Variants in TNFSF13B observed in about 807,000 individuals in gnomAD.
TNFSF13B encodes the protein tumor necrosis factor ligand superfamily member 13B.
Under a neutral mutation model 29.1 loss-of-function variants are expected in TNFSF13B, and 8 were observed. That is an observed-to-expected ratio of 0.27 (90% CI 0.16 to 0.50). The LOEUF (loss-of-function observed/expected upper bound fraction) is 0.50, where lower values mean the gene tolerates loss of function less well. Ranked by LOEUF, TNFSF13B falls within the 20% of genes least tolerant of loss-of-function variation. The pLI is 0.98. For missense variants in TNFSF13B, 248 were observed against 334.9 expected, an observed-to-expected ratio of 0.74 and a Z score of 2.03; for synonymous variants, 125 against 130.8, an observed-to-expected ratio of 0.96 and a Z score of 0.30.
chr13:108,271,882 C>A (rs1006957589), intron 2 of TNFSF13B, among the ~76,000 whole-genome samples: 5 of 151,956 alleles, frequency 3.3e-5, no homozygotes, highest in Non-Finnish European at 4.4e-5. Context: ...ATACAACATG[C>A]AAAAGTTTTG....
chr13:108,305,023 A>G (rs1881729598), intron 5 of TNFSF13B, among the ~76,000 whole-genome samples: 1 of 152,150 alleles, frequency 6.6e-6, no homozygotes, highest in Admixed American at 6.6e-5. Context: ...ACGTTTTTCT[A>G]ATCATCTGCT....
chr13:108,272,607 T>TC (rs1880650499), intron 2 of TNFSF13B, among the ~76,000 whole-genome samples: 1 of 152,092 alleles, frequency 6.6e-6, no homozygotes, highest in African/African-American at 2.4e-5. Context: ...ATTAAATAGT[T>TC]CTTTTTAACT....
intron 2 of TNFSF13B, among the ~76,000 whole-genome samples, chr13:108,285,399 C>T (rs776339369): frequency 2.0e-5 from 3 of 152,176 alleles, no homozygotes; most frequent in Non-Finnish European, 2.9e-5. Context: ...ATTGTGCAAA[C>T]ATCAGAGCAT....
intron 2 of TNFSF13B, among the ~76,000 whole-genome samples, chr13:108,276,620 A>T (rs557762265): frequency 5.9e-5 from 9 of 152,318 alleles, no homozygotes; most frequent in African/African-American, 2.2e-4. Flanking sequence ...TGAAAAAGTG[A>T]AAAGGTTAGG....
chr13:108,275,329 T>TATCA (rs1311246258), intron 2 of TNFSF13B, among the ~76,000 whole-genome samples: 1 of 152,148 alleles, frequency 6.6e-6, no homozygotes, highest in African/African-American at 2.4e-5. Flanking sequence ...CTTTAGAGTC[T>TATCA]ATCAAGAAAG....
chr13:108,278,024 C>T (rs775671780), intron 2 of TNFSF13B, among the ~76,000 whole-genome samples: 1 of 152,192 alleles, frequency 6.6e-6, no homozygotes, highest in Admixed American at 6.5e-5. Flanking sequence ...CTGCCTCTGA[C>T]ATCATTATAC....
At chr13:108,302,641 T>A (rs912945995) in intron 3 of TNFSF13B, 2 of 177,064 alleles carry the variant, frequency 1.1e-5, no homozygotes, top group Non-Finnish European at 2.2e-5. Context: ...TGACTTTTGA[T>A]GGGTAATGGA....
chr13:108,277,967 A>C (rs772342468), intron 2 of TNFSF13B, among the ~76,000 whole-genome samples: 1 of 152,108 alleles, frequency 6.6e-6, no homozygotes, highest in Non-Finnish European at 1.5e-5. Context: ...AGTAGGTCTC[A>C]GTTATTTTAC....
At chr13:108,299,967 T>C (rs904927733) in intron 3 of TNFSF13B, among the ~76,000 whole-genome samples, 1 of 152,162 alleles carries the variant, frequency 6.6e-6, no homozygotes, top group African/African-American at 2.4e-5. Flanking sequence ...CCAGTGACAT[T>C]TACTAAGAAG....
In TNFSF13B at chr13:108,307,992, G is replaced by T. The variant is rs1415923595; in HGVS notation, c.*1054G>T. ...AAATATGTTGATATCTCAGAAGACA[G>T]CATCCCGGTTTTCATTTTATAAAGT... is the stretch of plus-strand genomic sequence containing the variant. On this transcript the variant is annotated 3_prime_UTR_variant, in exon 6 of 6. Transcript: ENST00000375887. The T allele has an allele frequency of 6.6e-6, 1 of 152,024 alleles. No homozygotes were observed. Among genetic ancestry groups the T allele is most frequent in the Non-Finnish European group, 1.5e-5 (1 of 67,954 alleles). The allele number at this position is 152,024 out of a possible 1,614,324, so 9.4% of individuals were successfully genotyped here.
At chr13:108,303,649 C>G (rs1881691277) in intron 5 of TNFSF13B, 45 bp downstream of exon 5, 2 of 1,557,706 alleles carry the variant, frequency 1.3e-6, no homozygotes, top group Non-Finnish European at 1.7e-6. Flanking sequence ...AATGAAGAGA[C>G]TTTGACGAAA....
chr13:108,288,834 T>C (rs1362830103), intron 3 of TNFSF13B, among the ~76,000 whole-genome samples: 3 of 151,900 alleles, frequency 2.0e-5, no homozygotes, highest in Admixed American at 1.3e-4. Flanking sequence ...AGTTCAGGAG[T>C]ATCTGGAGGT....
At chr13:108,289,407 G>A (rs1881240283) in intron 3 of TNFSF13B, among the ~76,000 whole-genome samples, 3 of 151,820 alleles carry the variant, frequency 2.0e-5, no homozygotes, top group African/African-American at 7.3e-5. Context: ...GTGTGCATGG[G>A]CATTTAGCAG....
chr13:108,290,252 T>A (rs1315748880), intron 3 of TNFSF13B, among the ~76,000 whole-genome samples: 1 of 152,188 alleles, frequency 6.6e-6, no homozygotes, highest in East Asian at 1.9e-4. Flanking sequence ...CAGCATAGTA[T>A]TCCATTGTAT....
At chr13:108,275,311 A>G (rs1196839766) in intron 2 of TNFSF13B, among the ~76,000 whole-genome samples, 1 of 152,132 alleles carries the variant, frequency 6.6e-6, no homozygotes, top group African/African-American at 2.4e-5. Flanking sequence ...GAACCTAAAG[A>G]TGAATGTCTT....
At chr13:108,296,647 G>A (rs1336506501) in intron 3 of TNFSF13B, among the ~76,000 whole-genome samples, 1 of 145,668 alleles carries the variant, frequency 6.9e-6, no homozygotes, top group Non-Finnish European at 1.5e-5. Context: ...AATTACTTAT[G>A]TTGCTGTTTG....
intron 2 of TNFSF13B, among the ~76,000 whole-genome samples, 159 bp from the exon 3 acceptor site, chr13:108,286,643 AT>A (rs1881145244): frequency 6.6e-6 from 1 of 152,080 alleles, no homozygotes; most frequent in African/African-American, 2.4e-5. Context: ...ATATAAATCA[AT>A]GGGCAAATAT....
chr13:108,271,143 C>A (rs1192246467), intron 2 of TNFSF13B, among the ~76,000 whole-genome samples: 1 of 151,888 alleles, frequency 6.6e-6, no homozygotes, highest in Non-Finnish European at 1.5e-5. Context: ...ATGATCGATT[C>A]TAGTTCTTTC....
At chr13:108,303,117 T>G (rs957266019) in intron 3 of TNFSF13B, 136 bp from the exon 4 acceptor site, 8 of 716,386 alleles carry the variant, frequency 1.1e-5, no homozygotes, top group Non-Finnish European at 1.8e-5. Flanking sequence ...TCCTTTTTCC[T>G]TTTTTTTCTT....
Sources: gnomAD v4.1 joint callset for allele counts (sites outside exome capture counted in the v4.1 genomes callset) on GRCh38, gnomAD v4.1.1 for gene constraint, MANE v1.5 for transcripts, NCBI Gene and HGNC (gene_info 2026-07-23, HGNC 2026-07-21) for gene names.